RNF139: variants seen among roughly 807,000 people sequenced by gnomAD.
RNF139 encodes E3 ubiquitin-protein ligase RNF139.
In RNF139, 15 loss-of-function variants were observed where a neutral mutation model predicts 49.5. That is an observed-to-expected ratio of 0.30 (90% CI 0.20 to 0.47). The LOEUF is 0.47. Among genes scored for constraint, RNF139 ranks in the 20% least tolerant of loss-of-function variants. RNF139 has a pLI of 1.00. For missense variants in RNF139, 619 were observed against 806.3 expected (o/e 0.77, Z 2.81); for synonymous variants, 325 against 300.9 (o/e 1.08, Z -0.83).
chr8:124,483,073 T>TATATTTAAATATATATA (rs374935639), intron 1 of RNF139, among the ~76,000 whole-genome samples: 1 of 37,640 alleles, frequency 2.7e-5, no homozygotes, highest in Non-Finnish European at 5.0e-5. Context: ...TATATATATA[T>TATATTTAAATATATATA]TATTTAAATA....
intron 1 of RNF139, among the ~76,000 whole-genome samples, chr8:124,482,654 C>G (rs1379622875): frequency 6.6e-6 from 1 of 151,702 alleles, no homozygotes; most frequent in African/African-American, 2.4e-5. Context: ...GGGCCGAGCG[C>G]AGTGGCTCAC....
rs1175259307 is a variant in RNF139 at position 124,487,653 on chromosome 8, G to C, written c.*9G>C. 1.3e-6 allele frequency: 2 copies of C among 1,579,182 alleles called. No homozygotes were observed. Among genetic ancestry groups the C allele is most frequent in the African/African-American group, 2.7e-5 (2 of 73,500 alleles). ...ATGATGATACTGACTGATGAAAATA[G>C]CATTTATTAATGATTGAGGTATTTG... On this transcript the variant is annotated 3_prime_UTR_variant, in exon 2 of 2. Coordinates refer to ENST00000303545, the MANE Select transcript of RNF139 (RefSeq NM_007218.4).
intron 1 of RNF139, among the ~76,000 whole-genome samples, chr8:124,477,098 T>C (rs1816327119): frequency 1.3e-5 from 2 of 152,222 alleles, no homozygotes; most frequent in African/African-American, 4.8e-5. Flanking sequence ...TAATGCTTCA[T>C]TTAATACCAT....
chr8:124,483,970 A>C (rs1273521213), intron 1 of RNF139, among the ~76,000 whole-genome samples: 1 of 152,156 alleles, frequency 6.6e-6, no homozygotes, highest in East Asian at 1.9e-4. Context: ...TACATGTGTA[A>C]TAGGGTAGAT....
intron 1 of RNF139, among the ~76,000 whole-genome samples, chr8:124,481,897 ACTT>A (rs1816417943): frequency 3.9e-5 from 6 of 152,126 alleles, no homozygotes; most frequent in Non-Finnish European, 8.8e-5. Flanking sequence ...TACTTTGGAG[ACTT>A]GTTACTTAGG....
chr8:124,485,225 A>G (rs990312562), intron 1 of RNF139, among the ~76,000 whole-genome samples: 45 of 152,084 alleles, frequency 3.0e-4, no homozygotes, highest in African/African-American at 1.1e-3. Context: ...TTAGCTGGGC[A>G]TGGTGGCAGG....
Position 124,486,126 on chromosome 8 carries a change from C to G in RNF139, c.477C>G (p.Leu159=). 1 of 1,614,180 alleles carries G rather than the reference C, an allele frequency of 6.2e-7. No individual in the cohort carries two copies. The highest frequency in any genetic ancestry group is 8.5e-7 in the Non-Finnish European group (1 of 1,180,000). ...ATTCACAATTAATTATTTTGGATCT[C>G]TTGGTTCCTGTAATAGGCTTAATCA... The part of the protein sequence containing the change: ...SIYSQLIILD[L]LVPVIGLITE... Residue 159 remains leucine, a synonymous_variant, in exon 2 of 2, where the codon CTC becomes CTG. Transcript: ENST00000303545.
At position 124,487,360 on chromosome 8, in the gene RNF139, T is replaced by C; in HGVS notation, c.1711T>C (p.Cys571Arg). 6.2e-7 allele frequency: 1 copy of C among 1,614,196 alleles called. No homozygotes were observed. The highest frequency in any genetic ancestry group is 8.5e-7 in the Non-Finnish European group (1 of 1,180,018). ...GTGTAATCATTATTTCCATGCACTTTGCCTTCGGAAATGGCTGTACATTCA... is the reference window on the plus strand; with the variant it reads ...GTGTAATCATTATTTCCATGCACTTCGCCTTCGGAAATGGCTGTACATTCA... ...TPCNHYFHAL[C>R]LRKWLYIQDT... The change falls in exon 2 of 2, where the codon TGC becomes CGC. Residue 571 changes from cysteine (C) to arginine (R), a missense_variant. Coordinates refer to ENST00000303545, the MANE Select transcript of RNF139 (RefSeq NM_007218.4).
In RNF139 at chr8:124,487,627, A is replaced by G. The variant is rs1554601662; in HGVS notation, c.1978A>G (p.Asn660Asp). 34 of 1,605,208 alleles carry G rather than the reference A, an allele frequency of 2.1e-5. No individual in the cohort carries two copies. Among genetic ancestry groups the G allele is most frequent in the Non-Finnish European group, 2.8e-5 (33 of 1,175,058 alleles). ...CACAGGCGCAGCAGCTGAAGAATTT[A>G]ATGATGATACTGACTGATGAAAATA... ...QHTGAAAEEF[N>D]DDTD is the part of the protein sequence containing the mutation. The change falls in exon 2 of 2, where the codon AAT becomes GAT. Residue 660 changes from asparagine (N) to aspartate (D), a missense_variant. Physicochemically the swap from Asn to Asp is conservative, Grantham distance 23. Around this residue, in one of 2 missense-constraint regions of RNF139, gnomAD observed 530 missense variants for 728.9 expected, o/e 0.73. Coordinates refer to ENST00000303545, the MANE Select transcript of RNF139 (RefSeq NM_007218.4).
chr8:124,479,510 CAG>C (rs1485010057), intron 1 of RNF139, among the ~76,000 whole-genome samples: 2 of 152,152 alleles, frequency 1.3e-5, no homozygotes, highest in South Asian at 2.1e-4. Flanking sequence ...GAGGAATAGA[CAG>C]AGATTTCTCA....
intron 1 of RNF139, among the ~76,000 whole-genome samples, chr8:124,476,067 T>C (rs1034079786): frequency 1.3e-5 from 2 of 152,238 alleles, no homozygotes; most frequent in African/African-American, 4.8e-5. Flanking sequence ...AAATAATTTT[T>C]TAAGTAATTG....
rs1816445552 is a variant in RNF139, at chr8:124,482,949, TATATATATA to T, written c.182-2872_182-2864del. Among the ~76,000 whole-genome samples the T allele has an allele frequency of 1.0e-4, 10 of 98,124 alleles. No individual in the cohort carries two copies. In the Admixed American group the frequency reaches 1.6e-3, roughly 16 times the overall value. The allele number at this position is 98,124 out of a possible 152,430, so 64.4% of individuals were successfully genotyped here. On this transcript the variant is annotated intron_variant, in intron 1 of 1. Coordinates refer to ENST00000303545, the MANE Select transcript of RNF139 (RefSeq NM_007218.4). Reference sequence around the variant, plus strand: ...TAAAAAAAATATAAAAAAAAATATATATATATATAATATATATATATTATTTAAATATAT... The same window carrying T: ...TAAAAAAAATATAAAAAAAAATATATATATATATATATTATTTAAATATAT...
In RNF139 at chr8:124,487,887, C is replaced by G. The variant is rs2131309211; in HGVS notation, c.*243C>G. The G allele has an allele frequency of 5.2e-6, 2 of 383,998 alleles. No homozygotes were observed. The highest frequency in any genetic ancestry group is 8.0e-5 in the East Asian group (2 of 24,940). 23.8% of individuals were successfully genotyped at this position (383,998 alleles called of 1,614,324 possible). ...TTGTACATAGAATAAAATGTTTTCA[C>G]ATTTTTATGACAAAATTTGAACAAA... On this transcript the variant is annotated 3_prime_UTR_variant, in exon 2 of 2. Transcript: ENST00000303545.
chr8:124,488,193 T>C lies in RNF139; in HGVS notation c.*549T>C, dbSNP rs1340705868. Among the ~76,000 whole-genome samples, 3 of 152,196 alleles carry C rather than the reference T, an allele frequency of 2.0e-5. No homozygotes were observed. The highest frequency in any genetic ancestry group is 4.4e-5 in the Non-Finnish European group (3 of 68,038). ...GAGTAGCAGTGTAATTGAGCTGAGT[T>C]TGAAAGTCCTGATTCAGAGAGAGAC... On this transcript the variant is annotated 3_prime_UTR_variant, in exon 2 of 2. Coordinates refer to ENST00000303545, the MANE Select transcript of RNF139 (RefSeq NM_007218.4).
In RNF139 at chr8:124,474,942, C is replaced by T; in HGVS notation, c.-168C>T. On this transcript the variant is annotated 5_prime_UTR_variant, in exon 1 of 2. Transcript: ENST00000303545. The surrounding 1 kb of genome is among the most constrained non-coding windows in gnomAD (Gnocchi z 4.6). ...GCCATCGCTGCCTCCGCCGCCTGCT[C>T]CACCTCGAGGGACGCGAGCGGGCGG... is the stretch of plus-strand genomic sequence containing the variant. The T allele has an allele frequency of 2.6e-6, 1 of 383,156 alleles. No homozygotes were observed. Among genetic ancestry groups the T allele is most frequent in the Non-Finnish European group, 4.4e-6 (1 of 229,390 alleles). 23.7% of individuals were successfully genotyped at this position (383,156 alleles called of 1,614,324 possible).
intron 1 of RNF139, among the ~76,000 whole-genome samples, chr8:124,478,605 C>CAAA (rs372190245): frequency 1.5e-4 from 14 of 96,038 alleles, no homozygotes; most frequent in Admixed American, 2.4e-4. Context: ...GAGACTGTCT[C>CAAA]AAAAAAAAAA....
At chr8:124,483,554 C>T (rs1391422711) in intron 1 of RNF139, 1 of 152,118 alleles carries the variant, frequency 6.6e-6, no homozygotes, top group Admixed American at 6.6e-5. Context: ...CCCACCTCAA[C>T]CCCCTGAGTA....
At chr8:124,480,405 A>T (rs1440433762) in intron 1 of RNF139, among the ~76,000 whole-genome samples, 3 of 39,850 alleles carry the variant, frequency 7.5e-5, no homozygotes, top group African/African-American at 3.9e-4. Flanking sequence ...CTCCATCACT[A>T]AAAAAAAAAA....
rs1816473779 is a variant in RNF139, at chr8:124,483,103, A to ATTTT, written c.182-2727_182-2726insTTTT. Among the ~76,000 whole-genome samples the ATTTT allele has an allele frequency of 9.9e-4, 6 of 6,072 alleles. 2 individuals carry two copies. The highest frequency in any genetic ancestry group is 1.4e-3 in the Non-Finnish European group (6 of 4,282). 4.0% of individuals were successfully genotyped at this position (6,072 alleles called of 152,430 possible). A position where few individuals can be genotyped will look rare whatever the true frequency, so the allele number is the denominator to read the frequency against. ...TAAATATATATATATTTAAAAATAT[A>ATTTT]TATATTAAAAATATATATATTTAAA... On this transcript the variant is annotated intron_variant, in intron 1 of 1. Coordinates refer to ENST00000303545, the MANE Select transcript of RNF139 (RefSeq NM_007218.4).
Sources: gnomAD v4.1 joint callset for allele counts (sites outside exome capture counted in the v4.1 genomes callset) on GRCh38, gnomAD v4.1.1 for gene constraint, gnomAD v4.1.1 regional missense constraint, Gnocchi (gnomAD v3.1) non-coding constraint, MANE v1.5 for transcripts, NCBI Gene and HGNC (gene_info 2026-07-23, HGNC 2026-07-21) for gene names.